Variants in MAP2K5 observed in about 807,000 individuals in gnomAD.
The protein encoded by MAP2K5 is dual specificity mitogen-activated protein kinase kinase 5.
In MAP2K5, 49 loss-of-function variants were observed where a neutral mutation model predicts 83.1. The observed-to-expected ratio is 0.59, with a 90% CI of 0.47 to 0.75. MAP2K5 has a LOEUF of 0.75. MAP2K5 is among the 30% of genes least tolerant of loss of function. MAP2K5 has a pLI of 0.00. For missense variants in MAP2K5, 457 were observed against 557.5 expected (o/e 0.82, Z 1.82); for synonymous variants, 202 against 191.8 (o/e 1.05, Z -0.44).
At chr15:67,627,609 C>T (rs1344839993) in intron 8 of MAP2K5, among the ~76,000 whole-genome samples, 2 of 152,122 alleles carry the variant, frequency 1.3e-5, no homozygotes, top group African/African-American at 2.4e-5. Context: ...AACGATATTA[C>T]AAATACCTAT....
At chr15:67,553,264 G>A (rs983430084) in intron 2 of MAP2K5, among the ~76,000 whole-genome samples, 5 of 152,112 alleles carry the variant, frequency 3.3e-5, no homozygotes, top group Non-Finnish European at 7.4e-5. Flanking sequence ...ACATCTTTTT[G>A]ACTATAAAAC....
At position 67,646,481 on chromosome 15, in the gene MAP2K5, C is replaced by A; in HGVS notation, c.736+12C>A. ...AGAATTCATGGATGGTGAGTTTTCC[C>A]TTTTATAATACTTTTAAAATGATTT... On this transcript the variant is annotated intron_variant, in intron 11 of 21. Transcript: ENST00000178640. 2.7e-6 allele frequency: 4 copies of A among 1,478,762 alleles called. No individual in the cohort carries two copies. Among genetic ancestry groups the A allele is most frequent in the Non-Finnish European group, 3.7e-6 (4 of 1,071,752 alleles). The allele number at this position is 1,478,762 out of a possible 1,614,324, so 91.6% of individuals were successfully genotyped here.
intron 7 of MAP2K5, among the ~76,000 whole-genome samples, chr15:67,598,602 A>G (rs2085581163): frequency 6.6e-6 from 1 of 152,132 alleles, no homozygotes; most frequent in Non-Finnish European, 1.5e-5. Flanking sequence ...GGGAATGTGG[A>G]TTGGGTAGCT....
At position 67,760,167 on chromosome 15, in the gene MAP2K5, A is replaced by G. The variant is rs781487921; in HGVS notation, c.1135-9435A>G. Among the ~76,000 whole-genome samples the G allele has an allele frequency of 1.1e-4, 16 of 152,244 alleles. No individual in the cohort carries two copies. The highest frequency in any genetic ancestry group is 1.9e-4 in the Non-Finnish European group (13 of 68,048). On this transcript the variant is annotated intron_variant, in intron 19 of 21. Coordinates refer to ENST00000178640, the MANE Select transcript of MAP2K5 (RefSeq NM_145160.3). This position sits in a 1 kb window ranked among gnomAD's most constrained non-coding sequence, Gnocchi z 4.1. ...TTAGTAATTACTTTTTCTATTGGTA[A>G]TAACTGTTTCTTTAGAAATGACATT...
intron 8 of MAP2K5, among the ~76,000 whole-genome samples, chr15:67,603,139 T>C (rs2085699785): frequency 6.6e-6 from 1 of 152,236 alleles, no homozygotes; most frequent in African/African-American, 2.4e-5. Flanking sequence ...TGGCATTAAG[T>C]ACATTCACAT....
At chr15:67,591,089 G>A (rs930914261) in intron 6 of MAP2K5, among the ~76,000 whole-genome samples, 3 of 151,968 alleles carry the variant, frequency 2.0e-5, no homozygotes, top group African/African-American at 7.2e-5. Context: ...GCTCATGCCT[G>A]TAATCCCAGC....
rs916062731 is a variant in MAP2K5, at chr15:67,749,976, C to G, written c.1134+1375C>G. On this transcript the variant is annotated intron_variant, in intron 19 of 21. Transcript: ENST00000178640. This position sits in a 1 kb window ranked among gnomAD's most constrained non-coding sequence, Gnocchi z 4.6. ...CCAGGCTCCTAGGCATCAGAACATC[C>G]AGGTAAAGGCATTCCTCACCAATAC... 6.6e-6 allele frequency among the ~76,000 whole-genome samples: 1 copy of G among 152,186 alleles called. No individual in the cohort carries two copies. Among genetic ancestry groups the G allele is most frequent in the Non-Finnish European group, 1.5e-5 (1 of 68,036 alleles).
At chr15:67,599,833 A>G (rs2085614715) in intron 7 of MAP2K5, among the ~76,000 whole-genome samples, 1 of 152,234 alleles carries the variant, frequency 6.6e-6, no homozygotes, top group East Asian at 1.9e-4. Context: ...TGAATGCATC[A>G]AATAAAGTCT....
At chr15:67,689,509 A>G (rs569811255) in intron 13 of MAP2K5, among the ~76,000 whole-genome samples, 2 of 152,280 alleles carry the variant, frequency 1.3e-5, no homozygotes, top group East Asian at 3.9e-4. Context: ...TGAGACAGTG[A>G]TTAAAACAGT....
intron 16 of MAP2K5, among the ~76,000 whole-genome samples, chr15:67,712,694 G>A (rs1018535575): frequency 3.9e-5 from 6 of 152,034 alleles, no homozygotes; most frequent in Non-Finnish European, 1.5e-5. Context: ...CGAGGCAGGC[G>A]GATCACGAGG....
At position 67,563,864 on chromosome 15, in the gene MAP2K5, T is replaced by C. The variant is rs1477826301; in HGVS notation, c.252+514T>C. 6.6e-6 allele frequency among the ~76,000 whole-genome samples: 1 copy of C among 152,204 alleles called. No homozygotes were observed. On this transcript the variant is annotated intron_variant, in intron 3 of 21. Transcript: ENST00000178640. This position sits in a 1 kb window ranked among gnomAD's most constrained non-coding sequence, Gnocchi z 4.5. ...GGCTACTTACTGAATCAAAGTGATC[T>C]GAATATATTCTGAAACGACTTTTCT...
At chr15:67,609,384 A>G (rs1567306980) in intron 8 of MAP2K5, among the ~76,000 whole-genome samples, 1 of 151,660 alleles carries the variant, frequency 6.6e-6, no homozygotes, top group Non-Finnish European at 1.5e-5. Flanking sequence ...TATAGAATCT[A>G]TAGGTCTATA....
chr15:67,594,107 A>G (rs2141016189), intron 7 of MAP2K5, among the ~76,000 whole-genome samples: 1 of 152,340 alleles, frequency 6.6e-6, no homozygotes, highest in East Asian at 1.9e-4. Context: ...ATTGCCATCC[A>G]GAGTATGTGA....
intron 7 of MAP2K5, among the ~76,000 whole-genome samples, chr15:67,593,763 CTT>C (rs2085466190): frequency 6.6e-6 from 1 of 152,342 alleles, no homozygotes; most frequent in Non-Finnish European, 1.5e-5. Context: ...ATAAAAGACT[CTT>C]ATTGATTTTC....
intron 21 of MAP2K5, among the ~76,000 whole-genome samples, chr15:67,798,251 TG>T (rs373529511): frequency 7.9e-5 from 12 of 152,198 alleles, no homozygotes; most frequent in South Asian, 4.1e-4. Flanking sequence ...TCTGGGCATC[TG>T]CGTGGCCCAA....
chr15:67,747,364 G>A lies in MAP2K5; in HGVS notation c.1075-867G>A, dbSNP rs1248077221. Among the ~76,000 whole-genome samples the A allele has an allele frequency of 3.9e-5, 6 of 152,178 alleles. No homozygotes were observed. The highest frequency in any genetic ancestry group is 4.1e-4 in the South Asian group (2 of 4,834). On this transcript the variant is annotated intron_variant, in intron 17 of 21. Coordinates refer to ENST00000178640, the MANE Select transcript of MAP2K5 (RefSeq NM_145160.3). This position sits in a 1 kb window ranked among gnomAD's most constrained non-coding sequence, Gnocchi z 4.1. ...GTATTTGGTTCCTGAAAAGTTCTCT[G>A]TTAGAAAATGTAGTACCTGGAGTTT...
At chr15:67,759,732 C>A (rs532675674) in intron 19 of MAP2K5, among the ~76,000 whole-genome samples, 1 of 152,268 alleles carries the variant, frequency 6.6e-6, no homozygotes, top group South Asian at 2.1e-4. Context: ...ATGGCCTGTT[C>A]CTGTCACAGC....
At chr15:67,693,938 A>G (rs1380652806) in intron 15 of MAP2K5, among the ~76,000 whole-genome samples, 1 of 151,632 alleles carries the variant, frequency 6.6e-6, no homozygotes, top group Non-Finnish European at 1.5e-5. Context: ...TTTTTCTTGG[A>G]ATATGAACAT....
At chr15:67,624,522 GT>G (rs1404998885) in intron 8 of MAP2K5, among the ~76,000 whole-genome samples, 1 of 151,692 alleles carries the variant, frequency 6.6e-6, no homozygotes, top group Non-Finnish European at 1.5e-5. Flanking sequence ...CAGTACCTTT[GT>G]AAGTTTTGAA....
Sources: gnomAD v4.1 joint callset for allele counts (sites outside exome capture counted in the v4.1 genomes callset) on GRCh38, gnomAD v4.1.1 for gene constraint, Gnocchi (gnomAD v3.1) non-coding constraint, MANE v1.5 for transcripts, NCBI Gene and HGNC (gene_info 2026-07-23, HGNC 2026-07-21) for gene names.